Variants in TET3 observed in about 807,000 individuals in gnomAD.
The protein encoded by TET3 is methylcytosine dioxygenase TET3.
A neutral mutation model predicts 141.4 loss-of-function variants in TET3; 19 were observed. The observed-to-expected ratio is 0.13, with a 90% CI of 0.09 to 0.20. TET3 has a LOEUF of 0.20. Ranked by LOEUF, TET3 falls within the 10% of genes least tolerant of loss-of-function variation. The pLI is 1.00. For missense variants in TET3, 1,874 were observed against 2,356.9 expected (o/e 0.80, Z 4.24); for synonymous variants, 1,043 against 980.9 (o/e 1.06, Z -1.18).
intron 5 of TET3, among the ~76,000 whole-genome samples, chr2:74,076,904 AAGG>A (rs1439781155): frequency 6.6e-6 from 1 of 152,220 alleles, no homozygotes; most frequent in Admixed American, 6.5e-5. Flanking sequence ...ATTTTGGAGA[AAGG>A]AGGGGAAGGT....
At chr2:74,058,184 C>A (rs867571058) in intron 4 of TET3, among the ~76,000 whole-genome samples, 2 of 152,104 alleles carry the variant, frequency 1.3e-5, no homozygotes, top group African/African-American at 2.4e-5. Context: ...AAAAGCAGAT[C>A]GGTGAGGAAG....
chr2:74,056,052 A>G (rs775468821), intron 4 of TET3, among the ~76,000 whole-genome samples: 9 of 152,260 alleles, frequency 5.9e-5, no homozygotes, highest in Non-Finnish European at 7.3e-5. Flanking sequence ...GCAATTATAT[A>G]GGATTGTTTG....
At chr2:74,080,001 G>A (rs1480456507) in intron 5 of TET3, among the ~76,000 whole-genome samples, 1 of 152,232 alleles carries the variant, frequency 6.6e-6, no homozygotes, top group Non-Finnish European at 1.5e-5. Context: ...TTTGGGCTTA[G>A]TAGAGCCACT....
chr2:74,110,209 C>T (rs1431502200), downstream of TET3, among the ~76,000 whole-genome samples: 5 of 152,002 alleles, frequency 3.3e-5, no homozygotes, highest in Admixed American at 1.3e-4. Context: ...CTCAAGTCTG[C>T]GTGCAATTTT....
intron 4 of TET3, among the ~76,000 whole-genome samples, chr2:74,057,589 G>T (rs998682279): frequency 6.6e-5 from 10 of 152,314 alleles, no homozygotes; most frequent in African/African-American, 2.4e-4. Context: ...TCAATTGGAG[G>T]CTTTCCATTC....
At chr2:73,991,050 C>A (rs1413737811) in intron 2 of TET3, among the ~76,000 whole-genome samples, 1 of 151,742 alleles carries the variant, frequency 6.6e-6, no homozygotes, top group Non-Finnish European at 1.5e-5. Context: ...CTCAGGTGAT[C>A]CACCCACCTT....
chr2:74,110,235 A>T (rs1205835972), downstream of TET3, among the ~76,000 whole-genome samples: 2 of 152,028 alleles, frequency 1.3e-5, no homozygotes, highest in Non-Finnish European at 2.9e-5. Flanking sequence ...TTAATGCTTC[A>T]CACAGCAGTT....
chr2:74,124,971 AG>A, the TET3 span, among the ~76,000 whole-genome samples: 3 of 145,528 alleles, frequency 2.1e-5, no homozygotes, highest in Non-Finnish European at 4.6e-5. Flanking sequence ...AAAAAAAAAA[AG>A]GTGCTAACAT....
intron 4 of TET3, among the ~76,000 whole-genome samples, chr2:74,065,851 C>T (rs1304190706): frequency 6.6e-6 from 1 of 151,890 alleles, no homozygotes; most frequent in Non-Finnish European, 1.5e-5. Context: ...CTCCGCCTCC[C>T]AGGTTCAAGT....
chr2:74,084,051 C>G (rs1346790853), intron 6 of TET3, among the ~76,000 whole-genome samples: 6 of 152,170 alleles, frequency 3.9e-5, no homozygotes, highest in Non-Finnish European at 8.8e-5. Context: ...TGATTTAATA[C>G]CGTGTTCAGG....
rs1558684795 is a variant in TET3 at position 73,984,947 on chromosome 2, G to A, written c.-635G>A. 2.0e-5 allele frequency among the ~76,000 whole-genome samples: 3 copies of A among 147,124 alleles called. No homozygotes were observed. Among genetic ancestry groups the A allele is most frequent in the Non-Finnish European group, 3.0e-5 (2 of 66,020 alleles). On this transcript the variant is annotated 5_prime_UTR_variant, in exon 1 of 12. Coordinates refer to ENST00000409262, the MANE Select transcript of TET3 (RefSeq NM_001287491.2). The surrounding 1 kb of genome is among the most constrained non-coding windows in gnomAD (Gnocchi z 5.6). The stretch of plus-strand genomic sequence containing the variant: ...CGCCTTCATTGCTGCTGCTGCTGCC[G>A]CCGCGGCCGCCGCTGCCTCTTCCTT...
chr2:74,069,284 GCCATTAGGTATCTT>G (rs1689074859), intron 4 of TET3, among the ~76,000 whole-genome samples: 1 of 150,026 alleles, frequency 6.7e-6, no homozygotes, highest in Non-Finnish European at 1.5e-5. Context: ...GATAGGAAAT[GCCATTAGGTATCTT>G]ATGTGTAGGT....
the TET3 span, among the ~76,000 whole-genome samples, chr2:74,114,560 T>TA: frequency 1.3e-5 from 2 of 151,916 alleles, no homozygotes; most frequent in Admixed American, 1.3e-4. Flanking sequence ...TCTTAAAAGT[T>TA]AAAAAAGCAG....
chr2:74,102,469 GTTTTTA>G lies in TET3; in HGVS notation c.*304_*309del, dbSNP rs1283256606. On this transcript the variant is annotated 3_prime_UTR_variant, in exon 12 of 12. Transcript: ENST00000409262. ...GTTGTCCCCCCCCCTTGTCTGGGGG[GTTTTTA>G]TTTTTATTTTCTCTTTGTTTTTAAA... 9 of 258,094 alleles carry G rather than the reference GTTTTTA, an allele frequency of 3.5e-5. No individual in the cohort carries two copies. The highest frequency in any genetic ancestry group is 2.2e-4 in the Admixed American group (4 of 18,268). The allele number at this position is 258,094 out of a possible 1,614,324, so 16.0% of individuals were successfully genotyped here.
In TET3 at chr2:74,063,226, T is replaced by G. The variant is rs150443971; in HGVS notation, c.2495-10323T>G. ...TTAATGGAGTATGCCAGGCTTCTCA[T>G]GTAAGATCACTTTGAGAAGTCTAAT... On this transcript the variant is annotated intron_variant, in intron 4 of 11. Transcript: ENST00000409262. 3.2e-3 allele frequency among the ~76,000 whole-genome samples: 489 copies of G among 151,940 alleles called. 5 individuals carry two copies. Among genetic ancestry groups the G allele is most frequent in the African/African-American group, 0.01 (416 of 41,374 alleles).
At chr2:74,084,044 T>C (rs1220332422) in intron 6 of TET3, among the ~76,000 whole-genome samples, 1 of 152,198 alleles carries the variant, frequency 6.6e-6, no homozygotes, top group Non-Finnish European at 1.5e-5. Flanking sequence ...CAGTATCTGA[T>C]TTAATACCGT....
intron 6 of TET3, among the ~76,000 whole-genome samples, chr2:74,083,290 G>C (rs749897482): frequency 1.3e-5 from 2 of 152,244 alleles, no homozygotes; most frequent in Non-Finnish European, 2.9e-5. Context: ...ACACCTGGCA[G>C]CAAGATGGGC....
chr2:74,019,463 T>TA (rs1486607845), intron 3 of TET3, among the ~76,000 whole-genome samples: 1 of 152,182 alleles, frequency 6.6e-6, no homozygotes, highest in African/African-American at 2.4e-5. Flanking sequence ...TTCTGTCCCT[T>TA]TCTCCCTCAA....
intron 4 of TET3, among the ~76,000 whole-genome samples, chr2:74,059,204 G>T (rs1193006760): frequency 2.0e-5 from 3 of 152,198 alleles, no homozygotes; most frequent in Non-Finnish European, 4.4e-5. Flanking sequence ...TTTGCTCAAT[G>T]ATGTGTTTGT....
Sources: gnomAD v4.1 joint callset for allele counts (sites outside exome capture counted in the v4.1 genomes callset) on GRCh38, gnomAD v4.1.1 for gene constraint, Gnocchi (gnomAD v3.1) non-coding constraint, MANE v1.5 for transcripts, NCBI Gene and HGNC (gene_info 2026-07-23, HGNC 2026-07-21) for gene names.